Variants in SPG11 observed in about 807,000 individuals in gnomAD.
SPG11 encodes the protein SPG11 vesicle trafficking associated, spatacsin.
In SPG11, 222 loss-of-function variants were observed where a neutral mutation model predicts 274.0. The observed-to-expected ratio is 0.81, with a 90% CI of 0.73 to 0.91. SPG11 has a LOEUF of 0.91. Ranked by LOEUF, SPG11 falls within the 40% of genes least tolerant of loss-of-function variation. SPG11 has a pLI of 0.00. For synonymous variants in SPG11, 1,144 were observed against 1,039.7 expected (o/e 1.10, Z -1.93); for missense variants, 3,114 against 2,872.7 (o/e 1.08, Z -1.92).
rs559085631 is a variant in SPG11, at chr15:44,634,131, G to A, written c.1603-494C>T. On this transcript the variant is annotated intron_variant, in intron 7 of 39. Coordinates refer to ENST00000261866, the MANE Select transcript of SPG11 (RefSeq NM_025137.4). The stretch of plus-strand genomic sequence containing the variant: ...TGGGATTACAGGTACAAGCCACTGC[G>A]CCTGGCCCAATTTCTGCTTCAATAG... Among the ~76,000 whole-genome samples the A allele has an allele frequency of 2.0e-3, 307 of 152,158 alleles. 1 individual carries two copies. The highest frequency in any genetic ancestry group is 2.2e-3 in the Non-Finnish European group (148 of 68,004).
intron 7 of SPG11, among the ~76,000 whole-genome samples, chr15:44,636,130 G>A (rs1007048692): frequency 6.6e-6 from 1 of 152,028 alleles, no homozygotes; most frequent in African/African-American, 2.4e-5. Flanking sequence ...GAGCCAATGG[G>A]CCAAAGTTCT....
At chr15:44,630,445 A>C (rs1376833666) in intron 8 of SPG11, among the ~76,000 whole-genome samples, 1 of 152,242 alleles carries the variant, frequency 6.6e-6, no homozygotes, top group Non-Finnish European at 1.5e-5. Flanking sequence ...CTGCTGATGG[A>C]GCCCTGCTCA....
intron 37 of SPG11, 69 bp downstream of exon 37, chr15:44,566,148 G>T: frequency 6.3e-7 from 1 of 1,599,540 alleles, no homozygotes; most frequent in South Asian, 1.1e-5. Context: ...AGAGCCCAAG[G>T]ACAAAAGAAA....
Position 44,626,382 on chromosome 15 carries a change from G to C in SPG11, c.2193C>G (p.Asp731Glu), listed in dbSNP as rs773163805. ...LIGIGLNLVF[D>E]NLKKNNIKEA... Reference sequence around the variant, plus strand: ...CCTTTATATTGTTCTTTTTTAAATTGTCAAAGACCAAATTTAGGCCTATGC... The same window carrying C: ...CCTTTATATTGTTCTTTTTTAAATTCTCAAAGACCAAATTTAGGCCTATGC... The change falls in exon 11 of 40, where the codon GAC becomes GAG. Residue 731 changes from aspartate to glutamate, a missense_variant. Physicochemically the swap from Asp to Glu is conservative, Grantham distance 45. Coordinates refer to ENST00000261866, the MANE Select transcript of SPG11 (RefSeq NM_025137.4). 1 of 1,613,076 alleles carries C rather than the reference G, an allele frequency of 6.2e-7. No individual in the cohort carries two copies. The highest frequency in any genetic ancestry group is 1.3e-5 in the African/African-American group (1 of 74,758).
intron 11 of SPG11, among the ~76,000 whole-genome samples, chr15:44,623,485 T>C (rs538644720): frequency 1.3e-5 from 2 of 152,260 alleles, no homozygotes; most frequent in South Asian, 2.1e-4. Context: ...ACCCCAACCA[T>C]GCAGGTTAGG....
Position 44,648,867 on chromosome 15 carries a change from T to C in SPG11, c.1601A>G (p.Glu534Gly), listed in dbSNP as rs778355918. Residue 534 changes from glutamate (E) to glycine (G), a missense_variant and splice_region_variant, in exon 7 of 40, where the codon GAG (glutamate) becomes GGG (glycine). Glu to Gly is a moderately conservative substitution (Grantham distance 98). Transcript: ENST00000261866. ...TTCTTGGGCATTTAATTCTGTTACCTCTAGTGCATGTATGGGAATTGAGCA... is the reference window on the plus strand; with the variant it reads ...TTCTTGGGCATTTAATTCTGTTACCCCTAGTGCATGTATGGGAATTGAGCA... ...GRCSIPIHAL[E>G]AGIENRQLDT... 1.4e-5 allele frequency: 22 copies of C among 1,613,992 alleles called. No individual in the cohort carries two copies. Among genetic ancestry groups the C allele is most frequent in the Non-Finnish European group, 1.8e-5 (21 of 1,179,946 alleles).
At chr15:44,621,151 T>C (rs2083736773) in intron 14 of SPG11, 1 of 153,280 alleles carries the variant, frequency 6.5e-6, no homozygotes, top group Non-Finnish European at 1.5e-5. Flanking sequence ...ATTGTTCATT[T>C]TATAATCAAT....
intron 4 of SPG11, among the ~76,000 whole-genome samples, chr15:44,655,547 G>A (rs936556321): frequency 9.2e-5 from 14 of 152,294 alleles, no homozygotes; most frequent in Admixed American, 4.6e-4. Context: ...GTACAGTACT[G>A]TAAATGTATT....
At chr15:44,655,810 C>T (rs1022928725) in intron 4 of SPG11, among the ~76,000 whole-genome samples, 3 of 152,088 alleles carry the variant, frequency 2.0e-5, no homozygotes, top group African/African-American at 7.2e-5. Context: ...TTTTCCTATG[C>T]ATACATACCT....
chr15:44,566,332 C>G (rs147090058), intron 36 of SPG11, 27 bp from the exon 37 acceptor site: 6 of 1,603,776 alleles, frequency 3.7e-6, no homozygotes, highest in African/African-American at 1.3e-5. Flanking sequence ...GAAGATTTGC[C>G]GAGTCTGACT....
intron 8 of SPG11, among the ~76,000 whole-genome samples, chr15:44,630,601 G>A (rs2084033006): frequency 1.3e-5 from 2 of 152,074 alleles, no homozygotes; most frequent in Non-Finnish European, 2.9e-5. Context: ...GTTTTTTTGA[G>A]ACGGCGTTTC....
intron 30 of SPG11, among the ~76,000 whole-genome samples, chr15:44,581,199 ATAAC>A (rs2140942313): frequency 6.6e-6 from 1 of 152,264 alleles, no homozygotes; most frequent in East Asian, 1.9e-4. Flanking sequence ...CTGAAAGAAA[ATAAC>A]TAATTTTCTT....
At chr15:44,567,671 C>G in intron 35 of SPG11, 79 bp from the exon 36 acceptor site, 1 of 1,477,946 alleles carries the variant, frequency 6.8e-7, no homozygotes, top group Non-Finnish European at 9.4e-7. Context: ...TCACCTTGTT[C>G]TGCATTCCTT....
chr15:44,650,329 G>A (rs191823719), intron 6 of SPG11, among the ~76,000 whole-genome samples: 36 of 152,194 alleles, frequency 2.4e-4, no homozygotes, highest in African/African-American at 8.4e-4. Context: ...GACCAGCCTG[G>A]GCAAGGTAGT....
chr15:44,604,618 A>G (rs1489200898), intron 20 of SPG11, among the ~76,000 whole-genome samples: 1 of 152,148 alleles, frequency 6.6e-6, no homozygotes, highest in Admixed American at 6.5e-5. Flanking sequence ...CAAATTAAAT[A>G]CAGGTTTCCA....
At chr15:44,600,890 A>G (rs1215761070) in intron 20 of SPG11, among the ~76,000 whole-genome samples, 1 of 152,248 alleles carries the variant, frequency 6.6e-6, no homozygotes, top group African/African-American at 2.4e-5. Flanking sequence ...ACGGTGGCTC[A>G]CGCCTGTAAT....
intron 35 of SPG11, 125 bp downstream of exon 35, chr15:44,569,273 G>A (rs974018168): frequency 2.7e-6 from 2 of 742,954 alleles, no homozygotes; most frequent in Non-Finnish European, 4.8e-6. Flanking sequence ...TCTTGGGGAG[G>A]TCCCTAATTC....
intron 20 of SPG11, among the ~76,000 whole-genome samples, chr15:44,602,288 T>C (rs1467893862): frequency 6.6e-6 from 1 of 152,178 alleles, no homozygotes; most frequent in Non-Finnish European, 1.5e-5. Context: ...CCTTGTCTTA[T>C]TTCTGATCTT....
chr15:44,659,354 CT>C, intron 2 of SPG11, 51 bp from the exon 3 acceptor site: 1 of 1,467,052 alleles, frequency 6.8e-7, no homozygotes, highest in Non-Finnish European at 9.5e-7. Context: ...AATTTTACAA[CT>C]GGTACATTTG....
Sources: gnomAD v4.1 joint callset for allele counts (sites outside exome capture counted in the v4.1 genomes callset) on GRCh38, gnomAD v4.1.1 for gene constraint, MANE v1.5 for transcripts, NCBI Gene and HGNC (gene_info 2026-07-23, HGNC 2026-07-21) for gene names.